ANKEF1: variants seen among roughly 807,000 people sequenced by gnomAD.
The protein encoded by ANKEF1 is ankyrin repeat and EF-hand domain-containing protein 1.
In ANKEF1, 43 loss-of-function variants were observed where a neutral mutation model predicts 65.1. The observed-to-expected ratio is 0.66, with a 90% CI of 0.52 to 0.85. The LOEUF is 0.85. Ranked by LOEUF, ANKEF1 falls within the 40% of genes least tolerant of loss-of-function variation. The pLI, the probability that ANKEF1 is intolerant of heterozygous loss-of-function variation, is 0.00. For synonymous variants in ANKEF1, 316 were observed against 341.5 expected (o/e 0.93, Z 0.82); for missense variants, 934 against 952.9 (o/e 0.98, Z 0.26).
intron 9 of ANKEF1, among the ~76,000 whole-genome samples, chr20:10,053,693 C>G (rs1003745759): frequency 1.3e-5 from 2 of 152,096 alleles, no homozygotes; most frequent in African/African-American, 4.8e-5. Flanking sequence ...CACCATATCC[C>G]CTTTCATTGC....
At chr20:10,040,523 CCT>C (rs759353554) in intron 3 of ANKEF1, 13 of 152,146 alleles carry the variant, frequency 8.5e-5, no homozygotes, top group Non-Finnish European at 1.9e-4. Flanking sequence ...TGTATGTTGT[CCT>C]AGGGAATTAA....
In ANKEF1 at chr20:10,056,500, A is replaced by T. The variant is rs777376383; in HGVS notation, c.*840A>T. ...GATGATAGATAGATAGATAGATGAT[A>T]GATAGATAGATAGATAGATAGATAG... On this transcript the variant is annotated 3_prime_UTR_variant, in exon 11 of 11. Coordinates refer to ENST00000378392, the MANE Select transcript of ANKEF1 (RefSeq NM_022096.6). 3.6e-5 allele frequency: 4 copies of T among 111,836 alleles called. No homozygotes were observed. The highest frequency in any genetic ancestry group is 7.7e-5 in the African/African-American group (2 of 26,086). The allele number at this position is 111,836 out of a possible 1,614,324, so 6.9% of individuals were successfully genotyped here.
intron 2 of ANKEF1, among the ~76,000 whole-genome samples, chr20:10,036,647 G>C (rs531398159): frequency 6.6e-6 from 1 of 152,290 alleles, no homozygotes; most frequent in African/African-American, 2.4e-5. Context: ...TTCAAGATCA[G>C]CCTGGCCAAC....
chr20:10,045,541 A>C (rs777062266), intron 5 of ANKEF1, 33 bp from the exon 6 acceptor site: 4 of 1,608,114 alleles, frequency 2.5e-6, no homozygotes, highest in Non-Finnish European at 8.5e-7. Flanking sequence ...GTACATTCCT[A>C]TTCCTCCACA....
Position 10,057,354 on chromosome 20 carries a change from T to G in ANKEF1, c.*1694T>G, listed in dbSNP as rs1985229690. ...CCCAAGATTTGCTATTACAACTAAA[T>G]TTTGTCTGTTTTGTAAGGTTTTGGT... On this transcript the variant is annotated 3_prime_UTR_variant, in exon 11 of 11. Coordinates refer to ENST00000378392, the MANE Select transcript of ANKEF1 (RefSeq NM_022096.6). 2 of 152,218 alleles carry G rather than the reference T, an allele frequency of 1.3e-5. No homozygotes were observed. Among genetic ancestry groups the G allele is most frequent in the South Asian group, 4.1e-4 (2 of 4,830 alleles). The allele number at this position is 152,218 out of a possible 1,614,324, so 9.4% of individuals were successfully genotyped here.
chr20:10,052,989 C>A, intron 8 of ANKEF1, 123 bp from the exon 9 acceptor site: 2 of 913,222 alleles, frequency 2.2e-6, no homozygotes, highest in South Asian at 4.7e-5. Context: ...GTATATATAC[C>A]CCTTGCTTTA....
chr20:10,036,734 C>T lies in ANKEF1; in HGVS notation c.-45+1092C>T, dbSNP rs975524206. Among the ~76,000 whole-genome samples the T allele has an allele frequency of 7.9e-5, 12 of 152,092 alleles. No individual in the cohort carries two copies. In the South Asian group the frequency reaches 8.3e-4, roughly 11 times the overall value. On this transcript the variant is annotated intron_variant, in intron 2 of 10. Coordinates refer to ENST00000378392, the MANE Select transcript of ANKEF1 (RefSeq NM_022096.6). ...GTGGGCACCTGTAATCCCAGCTACT[C>T]GGGAGGCTGAGGCAGGAGAATCGCT...
At chr20:10,038,141 C>G (rs1835347150) in intron 2 of ANKEF1, 117 bp from the exon 3 acceptor site, 1 of 490,418 alleles carries the variant, frequency 2.0e-6, no homozygotes, top group Admixed American at 3.8e-5. Flanking sequence ...ATCCTACTTT[C>G]TGAACATTTC....
At position 10,043,333 on chromosome 20, in the gene ANKEF1, C is replaced by T. The variant is rs1984309538; in HGVS notation, c.546+12C>T. ...ATGCAATCAACTCAGTATGGCTATT[C>T]TTGTGATTACAAATATTTCTTGTTT... On this transcript the variant is annotated intron_variant, in intron 4 of 10. Coordinates refer to ENST00000378392, the MANE Select transcript of ANKEF1 (RefSeq NM_022096.6). 1.2e-6 allele frequency: 2 copies of T among 1,609,896 alleles called. No homozygotes were observed. The highest frequency in any genetic ancestry group is 1.3e-5 in the African/African-American group (1 of 74,918).
At chr20:10,054,250 C>T (rs561000076) in intron 9 of ANKEF1, among the ~76,000 whole-genome samples, 1 of 152,274 alleles carries the variant, frequency 6.6e-6, no homozygotes, top group East Asian at 1.9e-4. Flanking sequence ...ACGTGATCTT[C>T]TACCAATACT....
Position 10,043,083 on chromosome 20 carries a change from A to C in ANKEF1, c.347-39A>C, listed in dbSNP as rs964191109. On this transcript the variant is annotated intron_variant, in intron 3 of 10. Coordinates refer to ENST00000378392, the MANE Select transcript of ANKEF1 (RefSeq NM_022096.6). ...ACTTTCCTTCCTGTCAAATATGTAT[A>C]GATGTTAAATACTCTCTGGGGATTT... The C allele has an allele frequency of 1.9e-6, 3 of 1,582,658 alleles. No individual in the cohort carries two copies. In the African/African-American group the frequency reaches 4.1e-5, roughly 21 times the overall value.
rs977128097 is a variant in ANKEF1, at chr20:10,038,513, G to T, written c.212G>T (p.Gly71Val). 1 of 1,614,042 alleles carries T rather than the reference G, an allele frequency of 6.2e-7. No homozygotes were observed. The highest frequency in any genetic ancestry group is 1.3e-5 in the African/African-American group (1 of 74,910). Reference sequence around the variant, plus strand: ...ATGGTCAGCTTTCTCCTTGACCTTGGTGCTCACCCTGATGTGCAAGACCGA... The same window carrying T: ...ATGGTCAGCTTTCTCCTTGACCTTGTTGCTCACCCTGATGTGCAAGACCGA... ...IDMVSFLLDLGAHPDVQDRMG... is the reference protein window; with the variant it reads ...IDMVSFLLDLVAHPDVQDRMG... Residue 71 changes from glycine (G) to valine (V), a missense_variant, in exon 3 of 11, where the codon GGT (glycine) becomes GTT (valine). By Grantham distance (109) the Gly-to-Val change is moderately radical. Coordinates refer to ENST00000378392, the MANE Select transcript of ANKEF1 (RefSeq NM_022096.6).
intron 6 of ANKEF1, among the ~76,000 whole-genome samples, chr20:10,048,813 TAATTAC>T (rs1984664940): frequency 6.6e-6 from 1 of 152,220 alleles, no homozygotes; most frequent in Non-Finnish European, 1.5e-5. Context: ...TCCTCAGATT[TAATTAC>T]AATTACTTTT....
chr20:10,055,758 C>A lies in ANKEF1; in HGVS notation c.*98C>A. ...CATCAAAGCCAAAGCAATCCATACA[C>A]CAAGAACTTGTTACCAAGAATTTCT... On this transcript the variant is annotated 3_prime_UTR_variant, in exon 11 of 11. Transcript: ENST00000378392. 1 of 1,242,274 alleles carries A rather than the reference C, an allele frequency of 8.0e-7. No homozygotes were observed. Among genetic ancestry groups the A allele is most frequent in the African/African-American group, 1.5e-5 (1 of 66,510 alleles). 77.0% of individuals were successfully genotyped at this position (1,242,274 alleles called of 1,614,324 possible). A position where few individuals can be genotyped will look rare whatever the true frequency, so the allele number is the denominator to read the frequency against.
Position 10,054,041 on chromosome 20 carries a change from T to C in ANKEF1, c.2035-421T>C, listed in dbSNP as rs111959341. On this transcript the variant is annotated intron_variant, in intron 9 of 10. Transcript: ENST00000378392. Reference sequence around the variant, plus strand: ...AGATGAAAGTCAAGAAGGAAAAGTTTTAGTGTCATCAAATTGGAAAGCATT... The same window carrying C: ...AGATGAAAGTCAAGAAGGAAAAGTTCTAGTGTCATCAAATTGGAAAGCATT... 2.3e-3 allele frequency among the ~76,000 whole-genome samples: 355 copies of C among 152,228 alleles called. 1 individual carries two copies. Among genetic ancestry groups the C allele is most frequent in the African/African-American group, 7.9e-3 (329 of 41,542 alleles).
Position 10,035,237 on chromosome 20 carries a change from A to G in ANKEF1, c.-205A>G, listed in dbSNP as rs563610719. Reference sequence around the variant, plus strand: ...CGCGGCTGGGCCAGCGCTGAGCGTCAGAGGACGAGAGCAGGGGCCTCCCCG... The same window carrying G: ...CGCGGCTGGGCCAGCGCTGAGCGTCGGAGGACGAGAGCAGGGGCCTCCCCG... On this transcript the variant is annotated 5_prime_UTR_variant, in exon 1 of 11. Coordinates refer to ENST00000378392, the MANE Select transcript of ANKEF1 (RefSeq NM_022096.6). The G allele has an allele frequency of 5.2e-5, 8 of 152,520 alleles. No individual in the cohort carries two copies. Among genetic ancestry groups the G allele is most frequent in the Non-Finnish European group, 1.0e-4 (7 of 68,166 alleles). The allele number at this position is 152,520 out of a possible 1,614,324, so 9.4% of individuals were successfully genotyped here.
intron 4 of ANKEF1, 143 bp from the exon 5 acceptor site, chr20:10,044,251 A>T: frequency 1.1e-6 from 1 of 888,880 alleles, no homozygotes; most frequent in Non-Finnish European, 1.6e-6. Context: ...CCTCTTTGTT[A>T]CATGAAGCTA....
Position 10,058,232 on chromosome 20 carries a change from G to A in ANKEF1, c.*2572G>A, listed in dbSNP as rs1985271270. 1 of 152,150 alleles carries A rather than the reference G, an allele frequency of 6.6e-6. No homozygotes were observed. The highest frequency in any genetic ancestry group is 6.5e-5 in the Admixed American group (1 of 15,270). The allele number at this position is 152,150 out of a possible 1,614,324, so 9.4% of individuals were successfully genotyped here. A position where few individuals can be genotyped will look rare whatever the true frequency, so the allele number is the denominator to read the frequency against. ...TTCATAGCCACCTCCTGTTGCTATTGTGTTGAGTTCAATTGTTGTCTTTTC... is the reference window on the plus strand; with the variant it reads ...TTCATAGCCACCTCCTGTTGCTATTATGTTGAGTTCAATTGTTGTCTTTTC... On this transcript the variant is annotated 3_prime_UTR_variant, in exon 11 of 11. Transcript: ENST00000378392.
At chr20:10,039,500 A>AGACTT (rs1984049727) in intron 3 of ANKEF1, among the ~76,000 whole-genome samples, 2 of 152,224 alleles carry the variant, frequency 1.3e-5, no homozygotes, top group Non-Finnish European at 2.9e-5. Context: ...AACTCTCTCC[A>AGACTT]GACTTGGTGT....
Sources: allele counts gnomAD v4.1 joint callset (sites outside exome capture counted in the v4.1 genomes callset), GRCh38; gene constraint gnomAD v4.1.1; transcripts MANE v1.5; gene names NCBI Gene and HGNC (gene_info 2026-07-23, HGNC 2026-07-21).